Variants in ZC3H8 observed in about 807,000 individuals in gnomAD.
The protein encoded by ZC3H8 is zinc finger CCCH domain-containing protein 8.
Under a neutral mutation model 42.5 loss-of-function variants are expected in ZC3H8, and 27 were observed. The observed-to-expected ratio is 0.64, with a 90% CI of 0.47 to 0.88. The LOEUF (loss-of-function observed/expected upper bound fraction) is 0.88, where lower values mean the gene tolerates loss of function less well. Ranked by LOEUF, ZC3H8 falls within the 40% of genes least tolerant of loss-of-function variation. The probability of loss-of-function intolerance (pLI) is 0.00; values close to 1 mark genes in which losing one functional copy is unlikely to be tolerated. For synonymous variants in ZC3H8, 101 were observed against 110.1 expected, an observed-to-expected ratio of 0.92 and a Z score of 0.52; for missense variants, 277 against 336.1, an observed-to-expected ratio of 0.82 and a Z score of 1.37.
intron 8 of ZC3H8, among the ~76,000 whole-genome samples, chr2:112,225,615 G>A (rs950187711): frequency 7.2e-5 from 11 of 152,136 alleles, no homozygotes; most frequent in East Asian, 5.8e-4. Flanking sequence ...TCAGGAGTTC[G>A]AGACCAGCGT....
rs902917893 is a variant in ZC3H8 at position 112,212,686 on chromosome 2, G to A, written c.*3798C>T. On this transcript the variant is annotated 3_prime_UTR_variant, in exon 9 of 9. Transcript: ENST00000409573. ...CAGCTTCTTCCCAACTTTCCTCTCT[G>A]TTTTCTTCAGCTAGCACCCCTTGAA... is the stretch of plus-strand genomic sequence containing the variant. The A allele has an allele frequency of 1.3e-5, 2 of 152,116 alleles. No homozygotes were observed. The highest frequency in any genetic ancestry group is 4.8e-5 in the African/African-American group (2 of 41,394). The allele number at this position is 152,116 out of a possible 1,614,324, so 9.4% of individuals were successfully genotyped here.
intron 2 of ZC3H8, among the ~76,000 whole-genome samples, chr2:112,245,434 A>G (rs1169729951): frequency 6.6e-6 from 1 of 152,206 alleles, no homozygotes; most frequent in Non-Finnish European, 1.5e-5. Flanking sequence ...CGGGCAGATC[A>G]CTTGAGGCCA....
At chr2:112,245,739 G>C (rs949478468) in intron 2 of ZC3H8, among the ~76,000 whole-genome samples, 3 of 152,126 alleles carry the variant, frequency 2.0e-5, no homozygotes, top group Non-Finnish European at 4.4e-5. Flanking sequence ...CATTGATGAA[G>C]GTGGCCACAC....
chr2:112,213,727 G>T lies in ZC3H8; in HGVS notation c.*2757C>A, dbSNP rs934595711. ...GGAGGCAGAGCTTGCAGTGAGCCAAGATCGCACCACTGCACTCCAGCCTGG... is the reference window on the plus strand; with the variant it reads ...GGAGGCAGAGCTTGCAGTGAGCCAATATCGCACCACTGCACTCCAGCCTGG... On this transcript the variant is annotated 3_prime_UTR_variant, in exon 9 of 9. Coordinates refer to ENST00000409573, the MANE Select transcript of ZC3H8 (RefSeq NM_032494.3). 1.8e-5 allele frequency: 2 copies of T among 110,336 alleles called. No individual in the cohort carries two copies. Among genetic ancestry groups the T allele is most frequent in the African/African-American group, 3.6e-5 (1 of 28,108 alleles). The allele number at this position is 110,336 out of a possible 1,614,324, so 6.8% of individuals were successfully genotyped here.
intron 8 of ZC3H8, among the ~76,000 whole-genome samples, chr2:112,217,020 C>T (rs142613950): frequency 1.3e-5 from 2 of 152,286 alleles, no homozygotes; most frequent in East Asian, 3.9e-4. Context: ...GCCCGCAGAG[C>T]AAAACCCAAC....
At chr2:112,246,530 G>A (rs1344762405) in intron 2 of ZC3H8, among the ~76,000 whole-genome samples, 9 of 152,196 alleles carry the variant, frequency 5.9e-5, no homozygotes, top group Non-Finnish European at 1.3e-4. Context: ...TGACTTTGAG[G>A]AGTTCAAGAC....
rs541460686 is a variant in ZC3H8, at chr2:112,216,021, T to C, written c.*463A>G. On this transcript the variant is annotated 3_prime_UTR_variant, in exon 9 of 9. Transcript: ENST00000409573. ...ATTGTGAACCATTAAAAATATGTTG[T>C]AAAACTATTTAATGTCATAAAGAGA... The C allele has an allele frequency of 6.6e-6, 1 of 152,326 alleles. No individual in the cohort carries two copies. The highest frequency in any genetic ancestry group is 2.4e-5 in the African/African-American group (1 of 41,562). 9.4% of individuals were successfully genotyped at this position (152,326 alleles called of 1,614,324 possible).
intron 8 of ZC3H8, among the ~76,000 whole-genome samples, chr2:112,224,404 T>C (rs1448509280): frequency 6.6e-6 from 1 of 152,188 alleles, no homozygotes; most frequent in African/African-American, 2.4e-5. Flanking sequence ...TGAAGAGAAT[T>C]TCATTAACTT....
chr2:112,236,243 G>C (rs1250786390), intron 4 of ZC3H8, among the ~76,000 whole-genome samples: 2 of 152,140 alleles, frequency 1.3e-5, no homozygotes, highest in African/African-American at 2.4e-5. Context: ...TACAAGGCGA[G>C]ACTCTGTCTC....
At chr2:112,227,418 G>A (rs1291498145) in intron 8 of ZC3H8, among the ~76,000 whole-genome samples, 1 of 152,198 alleles carries the variant, frequency 6.6e-6, no homozygotes, top group African/African-American at 2.4e-5. Context: ...CCAGGTACTC[G>A]GGAGGCTGAG....
At chr2:112,248,169 T>C (rs1417260396) in intron 2 of ZC3H8, among the ~76,000 whole-genome samples, 1 of 151,846 alleles carries the variant, frequency 6.6e-6, no homozygotes, top group African/African-American at 2.4e-5. Flanking sequence ...CTGCTAAAAA[T>C]ACAACAATTA....
At chr2:112,229,736 A>C (rs1685009676) in intron 8 of ZC3H8, among the ~76,000 whole-genome samples, 1 of 152,190 alleles carries the variant, frequency 6.6e-6, no homozygotes, top group Non-Finnish European at 1.5e-5. Flanking sequence ...GTTTTTGCTA[A>C]GCACCATTAC....
chr2:112,221,706 T>A (rs1216099453), intron 8 of ZC3H8, among the ~76,000 whole-genome samples: 1 of 152,136 alleles, frequency 6.6e-6, no homozygotes, highest in Non-Finnish European at 1.5e-5. Flanking sequence ...GTTCTTCAGC[T>A]TTATCAGGTC....
chr2:112,234,341 C>T lies in ZC3H8; in HGVS notation c.505-105G>A, dbSNP rs1685223414. On this transcript the variant is annotated intron_variant, in intron 4 of 8. Coordinates refer to ENST00000409573, the MANE Select transcript of ZC3H8 (RefSeq NM_032494.3). ...ACCAACTTCAGAGCCTTAAAGGTGA[C>T]TCTTCTAAATTGGCCTTCATATGTA... 4.7e-6 allele frequency: 4 copies of T among 857,882 alleles called. No homozygotes were observed. The South Asian group carries it at 7.1e-5, about 15-fold the overall frequency. 53.1% of individuals were successfully genotyped at this position (857,882 alleles called of 1,614,324 possible). A position where few individuals can be genotyped will look rare whatever the true frequency, so the allele number is the denominator to read the frequency against.
chr2:112,246,700 A>C (rs1377842471), intron 2 of ZC3H8, among the ~76,000 whole-genome samples: 1 of 152,230 alleles, frequency 6.6e-6, no homozygotes, highest in East Asian at 1.9e-4. Flanking sequence ...CTTGAGATGC[A>C]ATCTATTTCT....
At chr2:112,219,736 T>A (rs923286440) in intron 8 of ZC3H8, among the ~76,000 whole-genome samples, 1 of 152,134 alleles carries the variant, frequency 6.6e-6, no homozygotes, top group East Asian at 1.9e-4. Context: ...ATGAGCAGAA[T>A]GTACATTCTG....
At chr2:112,231,817 A>G in intron 7 of ZC3H8, 21 bp downstream of exon 7, 1 of 1,449,936 alleles carries the variant, frequency 6.9e-7, no homozygotes, top group Non-Finnish European at 9.4e-7. Flanking sequence ...AAAACAAAAG[A>G]TTATTAAAAA....
At chr2:112,227,822 A>C (rs1684912849) in intron 8 of ZC3H8, among the ~76,000 whole-genome samples, 1 of 152,230 alleles carries the variant, frequency 6.6e-6, no homozygotes, top group South Asian at 2.1e-4. Context: ...CTGAAGATCT[A>C]AATAAATGGA....
rs1294383443 is a variant in ZC3H8, at chr2:112,254,130, AT to A, written c.74+777del. The stretch of plus-strand genomic sequence containing the variant: ...GCTCTGGATGATCAGTTAAGGTAAA[AT>A]TTGAGATAGAGTGAACAGCTGACCA... On this transcript the variant is annotated intron_variant, in intron 1 of 8. Transcript: ENST00000409573. The A allele has an allele frequency of 3.0e-6, 3 of 985,252 alleles. No homozygotes were observed. In the Admixed American group the frequency reaches 1.8e-4, roughly 61 times the overall value. 61.0% of individuals were successfully genotyped at this position (985,252 alleles called of 1,614,324 possible). A position where few individuals can be genotyped will look rare whatever the true frequency, so the allele number is the denominator to read the frequency against.
Sources: gnomAD v4.1 joint callset for allele counts (sites outside exome capture counted in the v4.1 genomes callset) on GRCh38, gnomAD v4.1.1 for gene constraint, MANE v1.5 for transcripts, NCBI Gene and HGNC (gene_info 2026-07-23, HGNC 2026-07-21) for gene names.